Variants in PPP2R2A observed in about 807,000 individuals in gnomAD.
PPP2R2A encodes the protein serine/threonine-protein phosphatase 2A 55 kDa regulatory subunit B alpha isoform.
Under a neutral mutation model 53.2 loss-of-function variants are expected in PPP2R2A, and 9 were observed. The ratio of observed to expected loss-of-function variants is 0.17; its 90% CI spans 0.10 to 0.30. The LOEUF (loss-of-function observed/expected upper bound fraction) is 0.30. PPP2R2A is among the 10% of genes least tolerant of loss of function. The pLI, the probability that PPP2R2A is intolerant of heterozygous loss-of-function variation, is 1.00. For missense variants in PPP2R2A, 235 were observed against 534.6 expected (o/e 0.44, Z 5.53); for synonymous variants, 169 against 174.2 (o/e 0.97, Z 0.23).
chr8:26,318,583 A>G (rs1234240016), intron 2 of PPP2R2A, among the ~76,000 whole-genome samples: 1 of 152,188 alleles, frequency 6.6e-6, no homozygotes, highest in Non-Finnish European at 1.5e-5. Context: ...ATATGATTGA[A>G]ATACTCTGTA....
intron 8 of PPP2R2A, chr8:26,365,226 A>G (rs148720875): frequency 9.6e-4 from 146 of 152,350 alleles, no homozygotes; most frequent in African/African-American, 3.4e-3. Context: ...TGTATCATAT[A>G]TAGATAAAAC....
At chr8:26,353,429 A>G (rs1460313231) in intron 3 of PPP2R2A, among the ~76,000 whole-genome samples, 2 of 152,230 alleles carry the variant, frequency 1.3e-5, no homozygotes, top group Admixed American at 1.3e-4. Flanking sequence ...TCCTTTTGAT[A>G]TGGAGAATAG....
At chr8:26,333,503 T>C (rs779930480) in intron 2 of PPP2R2A, 38 of 1,235,454 alleles carry the variant, frequency 3.1e-5, no homozygotes, top group Admixed American at 7.0e-5. Context: ...ATTTGAGACA[T>C]AGTCCTCAAG....
At position 26,372,533 on chromosome 8, in the gene PPP2R2A, C is replaced by T. The variant is rs1173139422; in HGVS notation, c.*2120C>T. 2 of 152,162 alleles carry T rather than the reference C, an allele frequency of 1.3e-5. No individual in the cohort carries two copies. Among genetic ancestry groups the T allele is most frequent in the African/African-American group, 2.4e-5 (1 of 41,428 alleles). 9.4% of individuals were successfully genotyped at this position (152,162 alleles called of 1,614,324 possible). On this transcript the variant is annotated 3_prime_UTR_variant, in exon 10 of 10. Transcript: ENST00000380737. ...AATAATTGCTAAAATTAAAATGCCT[C>T]TATCAAGGAATGCTATTATAAATTA...
At chr8:26,350,355 G>T (rs566591006) in intron 3 of PPP2R2A, among the ~76,000 whole-genome samples, 1 of 152,052 alleles carries the variant, frequency 6.6e-6, no homozygotes, top group Non-Finnish European at 1.5e-5. Context: ...GAGACATCAC[G>T]TCCGGCCTTG....
chr8:26,293,874 T>A, intron 2 of PPP2R2A, 134 bp downstream of exon 2: 1 of 773,042 alleles, frequency 1.3e-6, no homozygotes, highest in Non-Finnish European at 2.1e-6. Context: ...AGAACAGTTT[T>A]AAAAGATACC....
chr8:26,358,680 T>TA (rs1462990382), intron 4 of PPP2R2A, among the ~76,000 whole-genome samples: 1 of 152,212 alleles, frequency 6.6e-6, no homozygotes, highest in Non-Finnish European at 1.5e-5. Context: ...ACAATTTTGT[T>TA]ACACCATTTT....
chr8:26,360,111 G>T lies in PPP2R2A; in HGVS notation c.347-58G>T. The T allele has an allele frequency of 1.9e-5, 16 of 848,992 alleles. No individual in the cohort carries two copies. The highest frequency in any genetic ancestry group is 2.4e-5 in the Admixed American group (1 of 42,508). 52.6% of individuals were successfully genotyped at this position (848,992 alleles called of 1,614,324 possible). A position where few individuals can be genotyped will look rare whatever the true frequency, so the allele number is the denominator to read the frequency against. On this transcript the variant is annotated intron_variant, in intron 4 of 9. Transcript: ENST00000380737. The surrounding 1 kb of genome is among the most constrained non-coding windows in gnomAD (Gnocchi z 4.5). ...AAATGTGAAATAGCATATTTTAAAT[G>T]CCTTAAAATGTTTTTCTTCTTCAGT...
At chr8:26,316,166 G>T (rs541125881) in intron 2 of PPP2R2A, among the ~76,000 whole-genome samples, 17 of 151,912 alleles carry the variant, frequency 1.1e-4, no homozygotes, top group Non-Finnish European at 2.5e-4. Context: ...CACCACGCCC[G>T]GCTAATTTCT....
chr8:26,360,718 C>G lies in PPP2R2A; in HGVS notation c.460-256C>G. On this transcript the variant is annotated intron_variant, in intron 5 of 9. Transcript: ENST00000380737. The surrounding 1 kb of genome is among the most constrained non-coding windows in gnomAD (Gnocchi z 4.5). ...ACATTTATTAGCTTGGCATGTCTTT[C>G]AAGCAAAATATTGAAACTAAGAACT... is the stretch of plus-strand genomic sequence containing the variant. 5 of 423,720 alleles carry G rather than the reference C, an allele frequency of 1.2e-5. 1 individual carries two copies. The highest frequency in any genetic ancestry group is 6.3e-4 in the Middle Eastern group (1 of 1,600). 26.2% of individuals were successfully genotyped at this position (423,720 alleles called of 1,614,324 possible). A position where few individuals can be genotyped will look rare whatever the true frequency, so the allele number is the denominator to read the frequency against.
rs1311073441 is a variant in PPP2R2A, at chr8:26,340,780, T to A, written c.180+1793T>A. Among the ~76,000 whole-genome samples the A allele has an allele frequency of 2.0e-5, 3 of 152,212 alleles. No homozygotes were observed. In the South Asian group the frequency reaches 6.2e-4, roughly 32 times the overall value. On this transcript the variant is annotated intron_variant, in intron 3 of 9. Coordinates refer to ENST00000380737, the MANE Select transcript of PPP2R2A (RefSeq NM_002717.4). ...TGGGTTTAGTAATGTAGTCAGAATATTAGTATTTAGTATTTTCCTAAAGGC... is the reference window on the plus strand; with the variant it reads ...TGGGTTTAGTAATGTAGTCAGAATAATAGTATTTAGTATTTTCCTAAAGGC...
intron 2 of PPP2R2A, among the ~76,000 whole-genome samples, chr8:26,324,054 C>T (rs1174400661): frequency 6.6e-6 from 1 of 152,236 alleles, no homozygotes; most frequent in Non-Finnish European, 1.5e-5. Flanking sequence ...ATTTGTCTTA[C>T]AGAGTCTACA....
intron 7 of PPP2R2A, 114 bp from the exon 8 acceptor site, chr8:26,363,607 C>T: frequency 1.1e-6 from 1 of 900,300 alleles, no homozygotes; most frequent in Admixed American, 3.3e-5. Context: ...CTTTATTAGC[C>T]TGGCATTTTA....
chr8:26,318,590 T>G (rs1313426562), intron 2 of PPP2R2A, among the ~76,000 whole-genome samples: 1 of 152,200 alleles, frequency 6.6e-6, no homozygotes, highest in East Asian at 1.9e-4. Flanking sequence ...TGAAATACTC[T>G]GTAGTGAAAC....
intron 3 of PPP2R2A, among the ~76,000 whole-genome samples, chr8:26,343,880 A>G (rs1221692326): frequency 1.3e-5 from 2 of 152,186 alleles, no homozygotes; most frequent in African/African-American, 4.8e-5. Flanking sequence ...AGAAATGCTG[A>G]AATTTAGCTG....
intron 3 of PPP2R2A, among the ~76,000 whole-genome samples, chr8:26,349,756 T>C (rs1585391841): frequency 6.6e-6 from 1 of 152,184 alleles, no homozygotes; most frequent in South Asian, 2.1e-4. Context: ...GTCTTATTAA[T>C]GATTATTTTG....
At chr8:26,320,918 G>A (rs1333844352) in intron 2 of PPP2R2A, among the ~76,000 whole-genome samples, 3 of 152,166 alleles carry the variant, frequency 2.0e-5, no homozygotes, top group South Asian at 2.1e-4. Flanking sequence ...TTTAAAGAAT[G>A]TCTAGAGGGC....
In PPP2R2A at chr8:26,360,290, A is replaced by C. The variant is rs200905892; in HGVS notation, c.459+9A>C. 1.3e-6 allele frequency: 2 copies of C among 1,517,110 alleles called. No individual in the cohort carries two copies. Among genetic ancestry groups the C allele is most frequent in the Non-Finnish European group, 1.8e-6 (2 of 1,105,164 alleles). 94.0% of individuals were successfully genotyped at this position (1,517,110 alleles called of 1,614,324 possible). Reference sequence around the variant, plus strand: ...CAGTTACTACACTACGAGTAAGTACATAAGAAAAAAATGTCACAGATAGTG... The same window carrying C: ...CAGTTACTACACTACGAGTAAGTACCTAAGAAAAAAATGTCACAGATAGTG... On this transcript the variant is annotated intron_variant, in intron 5 of 9. Coordinates refer to ENST00000380737, the MANE Select transcript of PPP2R2A (RefSeq NM_002717.4). This position sits in a 1 kb window ranked among gnomAD's most constrained non-coding sequence, Gnocchi z 4.5.
Position 26,370,508 on chromosome 8 carries a change from G to C in PPP2R2A, c.*95G>C, listed in dbSNP as rs377473455. 1 of 1,402,188 alleles carries C rather than the reference G, an allele frequency of 7.1e-7. No individual in the cohort carries two copies. The highest frequency in any genetic ancestry group is 2.3e-5 in the East Asian group (1 of 43,494). 86.9% of individuals were successfully genotyped at this position (1,402,188 alleles called of 1,614,324 possible). ...ATAAAAGAGAGAGGTCCATTGTGGC[G>C]CCCCTTTCCAGTGTTTGACAGTGTG... On this transcript the variant is annotated 3_prime_UTR_variant, in exon 10 of 10. Transcript: ENST00000380737. This position sits in a 1 kb window ranked among gnomAD's most constrained non-coding sequence, Gnocchi z 6.1.
Sources: allele counts gnomAD v4.1 joint callset (sites outside exome capture counted in the v4.1 genomes callset), GRCh38; gene constraint gnomAD v4.1.1; non-coding constraint Gnocchi (gnomAD v3.1); transcripts MANE v1.5; gene names NCBI Gene and HGNC (gene_info 2026-07-23, HGNC 2026-07-21).